Variants in SNX29 observed in about 807,000 individuals in gnomAD.
SNX29 encodes sorting nexin-29.
SNX29 carries 78 observed loss-of-function variants against 102.1 expected under a neutral mutation model. The observed-to-expected ratio is 0.76, with a 90% CI of 0.64 to 0.92. The LOEUF (loss-of-function observed/expected upper bound fraction) is 0.92, where lower values mean the gene tolerates loss of function less well. Ranked by LOEUF, SNX29 falls within the 40% of genes least tolerant of loss-of-function variation. The pLI is 0.00. For synonymous variants in SNX29, 580 were observed against 414.5 expected (o/e 1.40, Z -4.85); for missense variants, 1,280 against 1,061.7 (o/e 1.21, Z -2.86).
At chr16:12,215,601 G>A (rs35320060) in intron 14 of SNX29, among the ~76,000 whole-genome samples, 15,836 of 152,208 alleles carry the variant, frequency 0.1, 1,428 homozygotes, top group South Asian at 0.29. Flanking sequence ...CTGCCAGGCA[G>A]TGGAACAGGC....
chr16:12,502,635 T>G (rs1320136252), intron 19 of SNX29, among the ~76,000 whole-genome samples: 1 of 152,202 alleles, frequency 6.6e-6, no homozygotes, highest in Non-Finnish European at 1.5e-5. Context: ...CAAGGAATTC[T>G]TATCCTGGGG....
chr16:12,572,671 C>T lies in SNX29; in HGVS notation c.*4042C>T, dbSNP rs1234139783. 6.6e-6 allele frequency: 7 copies of T among 1,063,654 alleles called. No homozygotes were observed. The highest frequency in any genetic ancestry group is 4.6e-5 in the South Asian group (1 of 21,974). The allele number at this position is 1,063,654 out of a possible 1,614,324, so 65.9% of individuals were successfully genotyped here. On this transcript the variant is annotated 3_prime_UTR_variant, in exon 21 of 21. Transcript: ENST00000566228. ...AAGCTCCTGTGTGAGCTGCAGCACC[C>T]ACACGGGGGAAGCCCTGCACTCCAG... is the stretch of plus-strand genomic sequence containing the variant.
At chr16:12,007,333 C>T (rs1411192048) in intron 3 of SNX29, among the ~76,000 whole-genome samples, 11 of 152,188 alleles carry the variant, frequency 7.2e-5, no homozygotes, top group African/African-American at 2.2e-4. Context: ...GGCAAAACCC[C>T]GTCTCTACTA....
At chr16:12,023,184 A>G (rs2057081322) in intron 3 of SNX29, among the ~76,000 whole-genome samples, 2 of 152,096 alleles carry the variant, frequency 1.3e-5, no homozygotes, top group South Asian at 2.1e-4. Flanking sequence ...GGTGTGAGCT[A>G]CTGCACCCCA....
At chr16:12,168,961 G>T (rs1351962093) in intron 13 of SNX29, among the ~76,000 whole-genome samples, 1 of 152,182 alleles carries the variant, frequency 6.6e-6, no homozygotes, top group Non-Finnish European at 1.5e-5. Context: ...CTTCTGACCT[G>T]CACGTGCTGG....
chr16:12,008,592 A>G (rs1223002928), intron 3 of SNX29, among the ~76,000 whole-genome samples: 1 of 152,034 alleles, frequency 6.6e-6, no homozygotes, highest in Non-Finnish European at 1.5e-5. Flanking sequence ...ACTTACAAAA[A>G]TGACAGCTTG....
chr16:12,009,028 C>G (rs2056556755), intron 3 of SNX29, among the ~76,000 whole-genome samples: 2 of 152,142 alleles, frequency 1.3e-5, no homozygotes, highest in African/African-American at 4.8e-5. Context: ...AGGCATGAGC[C>G]ACTGCGCCCG....
At chr16:12,106,630 T>C (rs1361329629) in intron 11 of SNX29, among the ~76,000 whole-genome samples, 2 of 147,120 alleles carry the variant, frequency 1.4e-5, no homozygotes, top group Non-Finnish European at 3.0e-5. Flanking sequence ...CGTGCCACCA[T>C]GCCTGGCTCA....
At chr16:12,531,656 G>A (rs150676571) in intron 20 of SNX29, among the ~76,000 whole-genome samples, 227 of 152,322 alleles carry the variant, frequency 1.5e-3, no homozygotes, top group Middle Eastern at 0.01. Context: ...AGCAGAAGAT[G>A]CCGAGTTTTG....
chr16:12,560,592 C>T (rs144289652), intron 20 of SNX29, among the ~76,000 whole-genome samples: 5 of 152,202 alleles, frequency 3.3e-5, no homozygotes, highest in African/African-American at 9.7e-5. Flanking sequence ...ATCTGTACCT[C>T]TCATAAAGCA....
chr16:12,255,371 T>G (rs901080252), intron 14 of SNX29, among the ~76,000 whole-genome samples: 3 of 152,040 alleles, frequency 2.0e-5, no homozygotes, highest in African/African-American at 7.3e-5. Flanking sequence ...AATTTTTTTT[T>G]AGTAGAGACA....
At chr16:12,417,368 C>G (rs2084679090) in intron 18 of SNX29, among the ~76,000 whole-genome samples, 1 of 152,168 alleles carries the variant, frequency 6.6e-6, no homozygotes, top group Non-Finnish European at 1.5e-5. Flanking sequence ...TTGTTTCAGG[C>G]TGTCTGGCTC....
In SNX29 at chr16:12,488,999, T is replaced by G. The variant is rs375000815; in HGVS notation, c.2178+11140T>G. Among the ~76,000 whole-genome samples the G allele has an allele frequency of 2.0e-5, 3 of 152,198 alleles. No individual in the cohort carries two copies. The East Asian group carries it at 5.8e-4, about 29-fold the overall frequency. ...GCCAAAGTATTTCTGGGGCTGTGAG[T>G]TTCCTTGTATATCCTTATTTAGTCT... On this transcript the variant is annotated intron_variant, in intron 19 of 20. Transcript: ENST00000566228.
At chr16:12,287,876 T>A (rs1000843033) in intron 15 of SNX29, among the ~76,000 whole-genome samples, 2 of 152,218 alleles carry the variant, frequency 1.3e-5, no homozygotes, top group Admixed American at 6.5e-5. Context: ...TTGTTGATCC[T>A]AGAGAATTTC....
At chr16:12,000,287 C>T (rs943517056) in intron 2 of SNX29, 2 of 152,640 alleles carry the variant, frequency 1.3e-5, no homozygotes, top group Non-Finnish European at 2.9e-5. Flanking sequence ...TATATTTAAT[C>T]CTTCTAACAA....
At chr16:12,420,894 G>A (rs1374363352) in intron 18 of SNX29, among the ~76,000 whole-genome samples, 2 of 152,216 alleles carry the variant, frequency 1.3e-5, no homozygotes, top group Non-Finnish European at 2.9e-5. Context: ...CACCAGCGCT[G>A]CTGAGAGCAC....
chr16:12,545,848 A>G (rs547974285), intron 20 of SNX29, among the ~76,000 whole-genome samples: 5 of 151,788 alleles, frequency 3.3e-5, no homozygotes, highest in Non-Finnish European at 5.9e-5. Context: ...GGAGCAGATC[A>G]CCTCTCCTTG....
chr16:12,285,569 G>A (rs1022377546), intron 15 of SNX29, among the ~76,000 whole-genome samples: 1 of 152,100 alleles, frequency 6.6e-6, no homozygotes, highest in Non-Finnish European at 1.5e-5. Flanking sequence ...ATAATCACAC[G>A]CTGTAGATAA....
chr16:12,219,883 A>G (rs1228866512), intron 14 of SNX29, among the ~76,000 whole-genome samples: 1 of 152,166 alleles, frequency 6.6e-6, no homozygotes, highest in Non-Finnish European at 1.5e-5. Context: ...TCACTCGTAC[A>G]TTGATCCGGG....
Sources: gnomAD v4.1 joint callset for allele counts (sites outside exome capture counted in the v4.1 genomes callset) on GRCh38, gnomAD v4.1.1 for gene constraint, MANE v1.5 for transcripts, NCBI Gene and HGNC (gene_info 2026-07-23, HGNC 2026-07-21) for gene names.